GPLD1: variants seen among roughly 807,000 people sequenced by gnomAD.
GPLD1 encodes the protein glycosylphosphatidylinositol specific phospholipase D1.
In GPLD1, 84 loss-of-function variants were observed where a neutral mutation model predicts 112.6. The ratio of observed to expected loss-of-function variants is 0.75; its 90% CI spans 0.63 to 0.89. GPLD1 has a LOEUF of 0.89. Ranked by LOEUF, GPLD1 falls within the 40% of genes least tolerant of loss-of-function variation. The pLI is 0.00. For missense variants in GPLD1, 1,044 were observed against 1,051.5 expected, an observed-to-expected ratio of 0.99 and a Z score of 0.10; for synonymous variants, 386 against 403.8, an observed-to-expected ratio of 0.96 and a Z score of 0.53.
At chr6:24,477,769 T>C (rs1764071090) in intron 3 of GPLD1, among the ~76,000 whole-genome samples, 1 of 152,180 alleles carries the variant, frequency 6.6e-6, no homozygotes, top group Middle Eastern at 3.2e-3. Flanking sequence ...AGGTGTTTTT[T>C]CTTTGGCAAT....
chr6:24,476,048 A>G (rs1764004653), intron 4 of GPLD1, 133 bp downstream of exon 4: 2 of 574,424 alleles, frequency 3.5e-6, no homozygotes, highest in African/African-American at 3.7e-5. Flanking sequence ...ATGTCCAAGC[A>G]ATGTGCATGA....
Position 24,428,907 on chromosome 6 carries a change from AGCCCCATG to A in GPLD1, c.*117_*124del. ...GTTAGTGTGTCTCTCTACTCCCAGG[AGCCCCATG>A]TCTATCAGGATCTACCACCGCTCCA... On this transcript the variant is annotated 3_prime_UTR_variant, in exon 25 of 25. Transcript: ENST00000230036. 5 of 568,996 alleles carry A rather than the reference AGCCCCATG, an allele frequency of 8.8e-6. No homozygotes were observed. Among genetic ancestry groups the A allele is most frequent in the Non-Finnish European group, 1.6e-5 (5 of 317,448 alleles). The allele number at this position is 568,996 out of a possible 1,614,324, so 35.2% of individuals were successfully genotyped here.
chr6:24,472,277 T>C (rs1487113468), intron 7 of GPLD1, among the ~76,000 whole-genome samples: 2 of 152,120 alleles, frequency 1.3e-5, no homozygotes, highest in Non-Finnish European at 2.9e-5. Flanking sequence ...ATTTTAACAG[T>C]TGGACAATAC....
intron 14 of GPLD1, 145 bp downstream of exon 14, chr6:24,453,870 C>T (rs1763176582): frequency 1.6e-6 from 1 of 610,546 alleles, no homozygotes; most frequent in Non-Finnish European, 2.9e-6. Flanking sequence ...GCTTCTAAAA[C>T]TAAAAAGTGC....
rs757269601 is a variant in GPLD1 at position 24,454,055 on chromosome 6, TCCAGGTCAACAGGTGGCAGGC to T, written c.1274_1294del (p.Gly425_Leu431del). ...GATCCTGTGGGCCTCCTTGTCCAGG[TCCAGGTCAACAGGTGGCAGGC>T]CCAGGTCATTGCCGTAGATGAGGTA... On this transcript the variant is annotated inframe_deletion, in exon 14 of 25. Coordinates refer to ENST00000230036, the MANE Select transcript of GPLD1 (RefSeq NM_001503.4). 1.1e-4 allele frequency: 171 copies of T among 1,613,508 alleles called. No individual in the cohort carries two copies. Among genetic ancestry groups the T allele is most frequent in the Middle Eastern group, 1.6e-4 (1 of 6,082 alleles).
chr6:24,473,863 G>A (rs887009662), intron 5 of GPLD1, among the ~76,000 whole-genome samples, 196 bp from the exon 6 acceptor site: 12 of 152,090 alleles, frequency 7.9e-5, no homozygotes, highest in Non-Finnish European at 1.3e-4. Flanking sequence ...GGTAGCTCAC[G>A]CCTGTAATCC....
chr6:24,433,484 C>CTTT (rs58008688), intron 22 of GPLD1, 95 bp from the exon 23 acceptor site: 241 of 437,012 alleles, frequency 5.5e-4, no homozygotes, highest in South Asian at 2.9e-3. Flanking sequence ...CTCATTTCTA[C>CTTT]TTTTTTTTTT....
rs758122254 is a variant in GPLD1 at position 24,479,863 on chromosome 6, T to C, written c.232+18A>G. 6.8e-7 allele frequency: 1 copy of C among 1,480,052 alleles called. No homozygotes were observed. Among genetic ancestry groups the C allele is most frequent in the East Asian group, 2.3e-5 (1 of 44,304 alleles). 91.7% of individuals were successfully genotyped at this position (1,480,052 alleles called of 1,614,324 possible). ...CAAGTAAAAGTGACTTCATTCAGTC[T>C]GCAAACTTTCATCTTACCTCCTTTG... is the stretch of plus-strand genomic sequence containing the variant. On this transcript the variant is annotated intron_variant, in intron 3 of 24. Transcript: ENST00000230036.
intron 3 of GPLD1, among the ~76,000 whole-genome samples, chr6:24,476,557 G>T (rs968908409): frequency 1.3e-5 from 2 of 152,204 alleles, no homozygotes; most frequent in Admixed American, 6.5e-5. Flanking sequence ...CGGCTACCTG[G>T]TTAGAATAGA....
Position 24,428,860 on chromosome 6 carries a change from CA to C in GPLD1, c.*171del. The C allele has an allele frequency of 4.1e-6, 2 of 486,514 alleles. No individual in the cohort carries two copies. Among genetic ancestry groups the C allele is most frequent in the South Asian group, 8.6e-5 (2 of 23,276 alleles). The allele number at this position is 486,514 out of a possible 1,614,324, so 30.1% of individuals were successfully genotyped here. A position where few individuals can be genotyped will look rare whatever the true frequency, so the allele number is the denominator to read the frequency against. On this transcript the variant is annotated 3_prime_UTR_variant, in exon 25 of 25. Transcript: ENST00000230036. The stretch of plus-strand genomic sequence containing the variant: ...TGGTGCAGTCATATATTTACTGTAT[CA>C]GATTTCCAGAGGGTGTGGCTGTTAG...
Position 24,479,274 on chromosome 6 carries a change from AAGAG to A in GPLD1, c.232+603_232+606del, listed in dbSNP as rs753679442. ...TCACCAATAAATACTCTCAGTCTGTAAGAGAGAGAGTGTTCCTGACCGAAATCGG... is the reference window on the plus strand; with the variant it reads ...TCACCAATAAATACTCTCAGTCTGTAAGAGAGTGTTCCTGACCGAAATCGG... On this transcript the variant is annotated intron_variant, in intron 3 of 24. Coordinates refer to ENST00000230036, the MANE Select transcript of GPLD1 (RefSeq NM_001503.4). Among the ~76,000 whole-genome samples the A allele has an allele frequency of 1.7e-4, 26 of 152,170 alleles. No individual in the cohort carries two copies. In the South Asian group the frequency reaches 1.9e-3, roughly 11 times the overall value.
At chr6:24,444,642 G>A (rs1346152398) in intron 20 of GPLD1, among the ~76,000 whole-genome samples, 2 of 152,036 alleles carry the variant, frequency 1.3e-5, no homozygotes, top group Non-Finnish European at 1.5e-5. Flanking sequence ...CTTGAGCCCA[G>A]GAGTTAGAGA....
chr6:24,438,480 A>G (rs546051939), intron 20 of GPLD1, among the ~76,000 whole-genome samples: 2 of 152,294 alleles, frequency 1.3e-5, no homozygotes, highest in Admixed American at 1.3e-4. Context: ...TGTGTGTAAA[A>G]CTGAGCTAAT....
At position 24,467,225 on chromosome 6, in the gene GPLD1, G is replaced by T; in HGVS notation, c.595C>A (p.Arg199=). The change falls in exon 8 of 25, where the codon CGA becomes AGA. Residue 199 remains arginine (R), a synonymous_variant. Transcript: ENST00000230036. The part of the protein sequence containing the change: ...LLGIYEKLYG[R]KVITENVIVD... ...ATTACATTTTCGGTGATGACTTTTC[G>T]ACCATACAGTTTCTCATAAATTCCC... The T allele has an allele frequency of 1.2e-6, 2 of 1,608,332 alleles. No individual in the cohort carries two copies. The highest frequency in any genetic ancestry group is 2.2e-5 in the South Asian group (2 of 90,914).
chr6:24,456,903 G>A (rs1039643827), intron 12 of GPLD1, among the ~76,000 whole-genome samples: 4 of 152,072 alleles, frequency 2.6e-5, no homozygotes, highest in African/African-American at 7.2e-5. Flanking sequence ...AAGAGTTATC[G>A]CTCTGTCACC....
At position 24,475,116 on chromosome 6, in the gene GPLD1, C is replaced by G. The variant is rs1763964960; in HGVS notation, c.441+5G>C. On this transcript the variant is annotated splice_donor_5th_base_variant and intron_variant, in intron 5 of 24. Coordinates refer to ENST00000230036, the MANE Select transcript of GPLD1 (RefSeq NM_001503.4). ...AAGTCATTCCCCATAAAGGGATGTA[C>G]TCACAGCTCCCATGGTCCTAAGGAA... The G allele has an allele frequency of 6.9e-7, 1 of 1,454,896 alleles. No individual in the cohort carries two copies. The allele number at this position is 1,454,896 out of a possible 1,614,324, so 90.1% of individuals were successfully genotyped here. A position where few individuals can be genotyped will look rare whatever the true frequency, so the allele number is the denominator to read the frequency against.
chr6:24,451,974 T>C (rs1156725968), intron 14 of GPLD1, among the ~76,000 whole-genome samples: 1 of 152,224 alleles, frequency 6.6e-6, no homozygotes, highest in Non-Finnish European at 1.5e-5. Flanking sequence ...AGCACAGAAC[T>C]TTAAAGCAGG....
intron 11 of GPLD1, among the ~76,000 whole-genome samples, chr6:24,461,831 C>A (rs766916538): frequency 1.3e-5 from 2 of 152,078 alleles, no homozygotes; most frequent in Non-Finnish European, 2.9e-5. Context: ...TGAACCAGTT[C>A]CTGGCACGTA....
rs1343715826 is a variant in GPLD1, at chr6:24,466,774, A to G, written c.727T>C (p.Phe243Leu). 6.2e-7 allele frequency: 1 copy of G among 1,610,578 alleles called. No homozygotes were observed. Among genetic ancestry groups the G allele is most frequent in the Non-Finnish European group, 8.5e-7 (1 of 1,176,702 alleles). Reference sequence around the variant, plus strand: ...AGTCCTCCAAGAAAATACTCTTGGAATTGTTCCACCAAAAACGGGGACTTT... The same window carrying G: ...AGTCCTCCAAGAAAATACTCTTGGAGTTGTTCCACCAAAAACGGGGACTTT... ...STKSPFLVEQ[F>L]QEYFLGGLDD... The change falls in exon 10 of 25, where the codon TTC becomes CTC. Residue 243 changes from phenylalanine (F) to leucine (L), a missense_variant. Transcript: ENST00000230036.
Sources: gnomAD v4.1 joint callset for allele counts (sites outside exome capture counted in the v4.1 genomes callset) on GRCh38, gnomAD v4.1.1 for gene constraint, MANE v1.5 for transcripts, NCBI Gene and HGNC (gene_info 2026-07-23, HGNC 2026-07-21) for gene names.